Variants in MEI4 observed in about 807,000 individuals in gnomAD.
MEI4 encodes meiosis-specific protein MEI4.
MEI4 carries 27 observed loss-of-function variants against 31.4 expected under a neutral mutation model. That is an observed-to-expected ratio of 0.86 (90% CI 0.63 to 1.19). The LOEUF (loss-of-function observed/expected upper bound fraction) is 1.19, where lower values mean the gene tolerates loss of function less well. Among genes scored for constraint, MEI4 ranks in the 50% most tolerant of loss-of-function variants. The probability of loss-of-function intolerance (pLI) is 0.00; values close to 1 mark genes in which losing one functional copy is unlikely to be tolerated. For synonymous variants in MEI4, 122 were observed against 145.4 expected (o/e 0.84, Z 1.16); for missense variants, 329 against 398.9 (o/e 0.82, Z 1.49).
chr6:77,853,731 G>A (rs139927991), intron 4 of MEI4, among the ~76,000 whole-genome samples: 18 of 152,262 alleles, frequency 1.2e-4, no homozygotes, highest in African/African-American at 4.3e-4. Context: ...TTCATGAATA[G>A]TTCTATATCA....
chr6:77,797,081 A>T (rs1769098920), intron 3 of MEI4, among the ~76,000 whole-genome samples: 1 of 152,202 alleles, frequency 6.6e-6, no homozygotes. Context: ...CAAGAATAAA[A>T]AATGGTTAAA....
intron 2 of MEI4, among the ~76,000 whole-genome samples, chr6:77,744,099 A>G (rs1189114879): frequency 1.3e-5 from 2 of 152,222 alleles, no homozygotes; most frequent in Admixed American, 1.3e-4. Context: ...CTCACCAGCA[A>G]TGGAACAAAG....
At chr6:77,916,927 C>T (rs1055849559) in intron 4 of MEI4, among the ~76,000 whole-genome samples, 2 of 150,434 alleles carry the variant, frequency 1.3e-5, no homozygotes, top group Non-Finnish European at 3.0e-5. Flanking sequence ...CCCCTACCCC[C>T]ACCCCACCAC....
chr6:77,796,675 A>G (rs193251267), intron 3 of MEI4, among the ~76,000 whole-genome samples: 39 of 152,320 alleles, frequency 2.6e-4, no homozygotes, highest in African/African-American at 9.4e-4. Flanking sequence ...AATGAATACT[A>G]TAAGACGTTT....
chr6:77,924,190 A>G lies in MEI4; in HGVS notation c.*844A>G, dbSNP rs1007393853. ...TAAAATCATAACCGCAAACTTAATG[A>G]GCATATGTTACATTTCCTATAGTGC... On this transcript the variant is annotated 3_prime_UTR_variant, in exon 5 of 5. Transcript: ENST00000684080. The G allele has an allele frequency of 6.6e-6, 1 of 151,818 alleles. No individual in the cohort carries two copies. Among genetic ancestry groups the G allele is most frequent in the Non-Finnish European group, 1.5e-5 (1 of 67,856 alleles). The allele number at this position is 151,818 out of a possible 1,614,324, so 9.4% of individuals were successfully genotyped here. A position where few individuals can be genotyped will look rare whatever the true frequency, so the allele number is the denominator to read the frequency against.
chr6:77,909,771 A>G (rs1436592421), intron 4 of MEI4, among the ~76,000 whole-genome samples: 5 of 152,160 alleles, frequency 3.3e-5, no homozygotes, highest in Non-Finnish European at 7.3e-5. Flanking sequence ...AGAATTTTAG[A>G]CCAATATCCC....
At chr6:77,915,318 C>A (rs1020157896) in intron 4 of MEI4, among the ~76,000 whole-genome samples, 33 of 152,172 alleles carry the variant, frequency 2.2e-4, no homozygotes, top group Non-Finnish European at 1.0e-4. Context: ...TCTTGTAGGG[C>A]CAGTCTAATG....
intron 4 of MEI4, among the ~76,000 whole-genome samples, chr6:77,868,502 C>CATATATATATATATATAT (rs58946198): frequency 0.038 from 3,379 of 89,542 alleles, 268 homozygotes; most frequent in Non-Finnish European, 0.054. Flanking sequence ...AAAAATACTA[C>CATATATATATATATATAT]ATATATATAT....
chr6:77,765,687 G>A (rs978043501), intron 3 of MEI4, among the ~76,000 whole-genome samples: 2 of 150,650 alleles, frequency 1.3e-5, no homozygotes, highest in Non-Finnish European at 1.5e-5. Context: ...CCATTACTGG[G>A]TATATACCCA....
At chr6:77,889,959 A>G (rs953352473) in intron 4 of MEI4, among the ~76,000 whole-genome samples, 1 of 152,134 alleles carries the variant, frequency 6.6e-6, no homozygotes, top group African/African-American at 2.4e-5. Context: ...AAGTTTGGGA[A>G]CCTCTGCCTA....
At chr6:77,919,020 G>C (rs527745584) in intron 4 of MEI4, among the ~76,000 whole-genome samples, 43 of 152,046 alleles carry the variant, frequency 2.8e-4, no homozygotes, top group African/African-American at 9.9e-4. Context: ...GACATACAAA[G>C]AGACTTAGAC....
chr6:77,727,953 A>G (rs1050966049), intron 2 of MEI4, among the ~76,000 whole-genome samples: 6 of 152,218 alleles, frequency 3.9e-5, no homozygotes, highest in South Asian at 2.1e-4. Context: ...TTGACTCTCT[A>G]TCAGACTAAT....
intron 2 of MEI4, among the ~76,000 whole-genome samples, chr6:77,695,938 A>C (rs1328540067): frequency 2.0e-5 from 3 of 151,974 alleles, no homozygotes; most frequent in Non-Finnish European, 4.4e-5. Context: ...CTTTTACTTC[A>C]TTGAGCAGTG....
intron 1 of MEI4, among the ~76,000 whole-genome samples, chr6:77,670,773 A>G (rs1768723898): frequency 6.6e-6 from 1 of 152,010 alleles, no homozygotes; most frequent in Non-Finnish European, 1.5e-5. Flanking sequence ...TTTTCTCTTC[A>G]TCTTACCTGA....
At chr6:77,761,096 A>G (rs1768033538) in intron 2 of MEI4, 34 bp from the exon 3 acceptor site, 1 of 1,225,232 alleles carries the variant, frequency 8.2e-7, no homozygotes, top group Non-Finnish European at 1.0e-6. Context: ...TTTCAGCTGC[A>G]TGAAGATAAT....
Position 77,690,876 on chromosome 6 carries a change from A to G in MEI4, c.205A>G (p.Arg69Gly). 1 of 1,231,308 alleles carries G rather than the reference A, an allele frequency of 8.1e-7. No homozygotes were observed. The highest frequency in any genetic ancestry group is 1.0e-6 in the Non-Finnish European group (1 of 987,264). The allele number at this position is 1,231,308 out of a possible 1,614,324, so 76.3% of individuals were successfully genotyped here. A position where few individuals can be genotyped will look rare whatever the true frequency, so the allele number is the denominator to read the frequency against. Residue 69 changes from arginine (R) to glycine (G), a missense_variant, in exon 2 of 5, where the codon AGG becomes GGG. Coordinates refer to ENST00000684080, the MANE Select transcript of MEI4 (RefSeq NM_001322247.2). ...MQLRQKLLVS[R>G]LCSGSFKSGY... ...ATTACGTCAAAAACTTCTTGTGAGC[A>G]GGCTTTGTTCAGGATCCTTTAAGAG...
At position 77,667,930 on chromosome 6, in the gene MEI4, A is replaced by G. The variant is rs1314563273; in HGVS notation, c.-15+14838A>G. On this transcript the variant is annotated intron_variant, in intron 1 of 4. Coordinates refer to ENST00000684080, the MANE Select transcript of MEI4 (RefSeq NM_001322247.2). ...AGCAGTGTTTTTGGTCCTCAGCAGA[A>G]TCAGTTGCATGACTATAGATCTAGC... Among the ~76,000 whole-genome samples, 3 of 151,736 alleles carry G rather than the reference A, an allele frequency of 2.0e-5. No individual in the cohort carries two copies. The East Asian group carries it at 5.9e-4, about 30-fold the overall frequency.
rs1766774333 is a variant in MEI4 at position 77,923,839 on chromosome 6, A to ATGAGAAT, written c.*493_*494insTGAGAAT. The ATGAGAAT allele has an allele frequency of 1.3e-5, 2 of 151,814 alleles. No homozygotes were observed. Among genetic ancestry groups the ATGAGAAT allele is most frequent in the African/African-American group, 4.8e-5 (2 of 41,410 alleles). 9.4% of individuals were successfully genotyped at this position (151,814 alleles called of 1,614,324 possible). On this transcript the variant is annotated 3_prime_UTR_variant, in exon 5 of 5. Coordinates refer to ENST00000684080, the MANE Select transcript of MEI4 (RefSeq NM_001322247.2). ...ACTTATATCATTGCTTTCACCTTAG[A>ATGAGAAT]CGAGAATCATATAGAAGTAGAACTT...
intron 1 of MEI4, among the ~76,000 whole-genome samples, chr6:77,663,256 T>TAAC (rs1281062054): frequency 1.3e-5 from 2 of 152,202 alleles, no homozygotes; most frequent in African/African-American, 4.8e-5. Flanking sequence ...AGGCAAGTGA[T>TAAC]AACAGGCTTT....
Sources: gnomAD v4.1 joint callset for allele counts (sites outside exome capture counted in the v4.1 genomes callset) on GRCh38, gnomAD v4.1.1 for gene constraint, MANE v1.5 for transcripts, NCBI Gene and HGNC (gene_info 2026-07-23, HGNC 2026-07-21) for gene names.